The following ROBO1 variants were observed in gnomAD, a reference collection of about 807,000 sequenced individuals.
The protein encoded by ROBO1 is roundabout guidance receptor 1, also known as roundabout homolog 1.
A neutral mutation model predicts 195.9 loss-of-function variants in ROBO1; 149 were observed. That is an observed-to-expected ratio of 0.76 (90% CI 0.67 to 0.87). ROBO1 has a LOEUF of 0.87. Among genes scored for constraint, ROBO1 ranks in the 40% least tolerant of loss-of-function variants. The probability of loss-of-function intolerance (pLI) is 0.00; values close to 1 mark genes in which losing one functional copy is unlikely to be tolerated. For synonymous variants in ROBO1, 816 were observed against 733.2 expected, an observed-to-expected ratio of 1.11 and a Z score of -1.82; for missense variants, 1,933 against 2,068.3, an observed-to-expected ratio of 0.93 and a Z score of 1.27.
intron 4 of ROBO1, among the ~76,000 whole-genome samples, chr3:78,832,016 T>TATATGAGATTAATAAGGTG (rs71127363): frequency 6.6e-6 from 1 of 151,884 alleles, no homozygotes; most frequent in Non-Finnish European, 1.5e-5. Flanking sequence ...ATATCAGGTA[T>TATATGAGATTAATAAGGTG]GAGGAAATGA....
chr3:79,517,647 C>T (rs1362270485), intron 2 of ROBO1, among the ~76,000 whole-genome samples: 1 of 152,144 alleles, frequency 6.6e-6, no homozygotes, highest in Non-Finnish European at 1.5e-5. Flanking sequence ...ACCCTCTGTT[C>T]TGGGTATAAG....
intron 2 of ROBO1, among the ~76,000 whole-genome samples, chr3:79,575,127 A>C (rs1377360266): frequency 3.0e-5 from 3 of 101,008 alleles, no homozygotes; most frequent in Admixed American, 2.0e-4. Context: ...ATATATATAT[A>C]AATATATATA....
chr3:78,874,787 A>G (rs1252454561), intron 4 of ROBO1, among the ~76,000 whole-genome samples: 1 of 151,952 alleles, frequency 6.6e-6, no homozygotes, highest in East Asian at 1.9e-4. Context: ...AAATTCATAA[A>G]CCACAATAGT....
At chr3:79,208,240 T>G (rs1192219041) in intron 2 of ROBO1, among the ~76,000 whole-genome samples, 1 of 152,214 alleles carries the variant, frequency 6.6e-6, no homozygotes, top group African/African-American at 2.4e-5. Flanking sequence ...TTTATTTACT[T>G]ATTTGTCTCA....
intron 2 of ROBO1, among the ~76,000 whole-genome samples, chr3:79,243,713 G>T (rs1472864072): frequency 6.6e-6 from 1 of 152,054 alleles, no homozygotes; most frequent in Non-Finnish European, 1.5e-5. Flanking sequence ...TGAGTTCATC[G>T]TAGATTCTGG....
At chr3:79,194,551 G>A (rs1326273931) in intron 2 of ROBO1, among the ~76,000 whole-genome samples, 1 of 151,684 alleles carries the variant, frequency 6.6e-6, no homozygotes, top group Admixed American at 6.6e-5. Flanking sequence ...ACCTTCAAGA[G>A]TTGTTAAATT....
intron 2 of ROBO1, among the ~76,000 whole-genome samples, chr3:79,255,839 ACTTCCCCATAAGTGAGGTAACATCTGC>A (rs1195808722): frequency 1.3e-5 from 2 of 152,274 alleles, no homozygotes; most frequent in African/African-American, 4.8e-5. Flanking sequence ...TGAGAGAATT[ACTTCCCCATAAGTGAGGTAACATCTGC>A]CTCAAAGCTG....
At chr3:79,225,592 A>G (rs1226397711) in intron 2 of ROBO1, among the ~76,000 whole-genome samples, 2 of 152,214 alleles carry the variant, frequency 1.3e-5, no homozygotes, top group East Asian at 1.9e-4. Context: ...AGCATTCTCA[A>G]GTTCTTTCCA....
intron 5 of ROBO1, among the ~76,000 whole-genome samples, chr3:78,746,132 G>C (rs2082651100): frequency 6.6e-6 from 1 of 152,100 alleles, no homozygotes; most frequent in Admixed American, 6.6e-5. Context: ...TAGAATCACG[G>C]CTGTCAAGAA....
At chr3:78,660,688 A>G (rs1457135472) in intron 16 of ROBO1, 3 of 187,502 alleles carry the variant, frequency 1.6e-5, no homozygotes, top group Admixed American at 5.6e-5. Context: ...ATCAAAATAA[A>G]CAAATAGAAA....
chr3:79,416,675 G>A (rs949105793), intron 2 of ROBO1, among the ~76,000 whole-genome samples: 3 of 151,764 alleles, frequency 2.0e-5, no homozygotes, highest in African/African-American at 7.3e-5. Flanking sequence ...TGATAAACTT[G>A]GTGTTGCTTT....
intron 4 of ROBO1, among the ~76,000 whole-genome samples, chr3:78,837,243 C>G (rs924876305): frequency 9.2e-5 from 14 of 151,992 alleles, no homozygotes; most frequent in Non-Finnish European, 1.9e-4. Context: ...AACGTAAGCA[C>G]AAAATTTAAA....
At chr3:79,670,459 G>T (rs1946600380) in intron 1 of ROBO1, among the ~76,000 whole-genome samples, 1 of 151,792 alleles carries the variant, frequency 6.6e-6, no homozygotes, top group Admixed American at 6.6e-5. Context: ...ACAGTTAACT[G>T]GTGATTGATG....
chr3:79,419,591 C>T lies in ROBO1; in HGVS notation c.88+170233G>A, dbSNP rs78708749. 7.8e-4 allele frequency among the ~76,000 whole-genome samples: 118 copies of T among 152,204 alleles called. 1 individual carries two copies. In the East Asian group the frequency reaches 0.019, roughly 25 times the overall value. ...AAAAGCCTTATTTTGAATTCTAAGT[C>T]TAATTTACTACAGAAAGATGCTATG... On this transcript the variant is annotated intron_variant, in intron 2 of 30. Transcript: ENST00000464233.
chr3:79,487,773 C>G (rs994280644), intron 2 of ROBO1, among the ~76,000 whole-genome samples: 2 of 152,104 alleles, frequency 1.3e-5, no homozygotes, highest in African/African-American at 4.8e-5. Context: ...ACTAAATTAA[C>G]TTATGAGGTC....
chr3:79,695,943 TTC>T (rs1304983039), intron 1 of ROBO1, among the ~76,000 whole-genome samples: 2 of 151,416 alleles, frequency 1.3e-5, no homozygotes, highest in African/African-American at 4.8e-5. Flanking sequence ...TAGGTTTTTT[TTC>T]CCCCCAATCA....
intron 2 of ROBO1, among the ~76,000 whole-genome samples, chr3:79,328,562 A>C (rs2034309056): frequency 6.6e-6 from 1 of 152,220 alleles, no homozygotes; most frequent in Non-Finnish European, 1.5e-5. Context: ...AATTTTATGC[A>C]CATAATGTCA....
intron 22 of ROBO1, 83 bp downstream of exon 22, chr3:78,639,661 C>G: frequency 3.7e-6 from 5 of 1,335,044 alleles, no homozygotes; most frequent in Non-Finnish European, 5.1e-6. Context: ...TTATCTTTCC[C>G]ATGTAGGGAG....
At chr3:78,748,396 G>A (rs1162765623) in intron 4 of ROBO1, among the ~76,000 whole-genome samples, 2 of 151,930 alleles carry the variant, frequency 1.3e-5, no homozygotes, top group Admixed American at 1.3e-4. Flanking sequence ...GGTGAGCTGA[G>A]ATCGTGCCAT....
Sources: gnomAD v4.1 joint callset for allele counts (sites outside exome capture counted in the v4.1 genomes callset) on GRCh38, gnomAD v4.1.1 for gene constraint, MANE v1.5 for transcripts, NCBI Gene and HGNC (gene_info 2026-07-23, HGNC 2026-07-21) for gene names.